The following ACYP2 variants were observed in gnomAD, a reference collection of about 807,000 sequenced individuals.
ACYP2 encodes acylphosphatase 2.
ACYP2 carries 12 observed loss-of-function variants against 11.2 expected under a neutral mutation model. The observed-to-expected ratio is 1.08, with a 90% CI of 0.69 to 1.74. ACYP2 has a LOEUF of 1.74. Ranked by LOEUF, ACYP2 falls within the 40% of genes most tolerant of loss-of-function variation. The pLI is 0.00. For synonymous variants in ACYP2, 43 were observed against 32.2 expected (o/e 1.33, Z -1.13); for missense variants, 134 against 101.9 (o/e 1.31, Z -1.35).
chr2:54,157,762 T>C (rs932136901), intron 6 of ACYP2, among the ~76,000 whole-genome samples: 3 of 152,214 alleles, frequency 2.0e-5, no homozygotes, highest in Non-Finnish European at 4.4e-5. Context: ...GTGGTGGTTT[T>C]CCAATTCTAG....
chr2:54,236,971 A>G (rs1686508672), intron 6 of ACYP2, among the ~76,000 whole-genome samples: 1 of 152,168 alleles, frequency 6.6e-6, no homozygotes, highest in Admixed American at 6.5e-5. Context: ...GATCAAAAAT[A>G]TTTGGGAAAA....
At chr2:53,991,676 G>GT (rs1672303411) in intron 2 of ACYP2, among the ~76,000 whole-genome samples, 1 of 152,020 alleles carries the variant, frequency 6.6e-6, no homozygotes, top group Non-Finnish European at 1.5e-5. Context: ...AAGTGTTGGG[G>GT]TTACAGGTGT....
At chr2:54,174,679 A>G (rs1193385784) in intron 6 of ACYP2, among the ~76,000 whole-genome samples, 1 of 152,094 alleles carries the variant, frequency 6.6e-6, no homozygotes, top group East Asian at 1.9e-4. Flanking sequence ...AATAGCTCTT[A>G]TTATTTTGAG....
intron 2 of ACYP2, among the ~76,000 whole-genome samples, chr2:54,040,186 G>T (rs2104562310): frequency 6.6e-6 from 1 of 152,248 alleles, no homozygotes; most frequent in African/African-American, 2.4e-5. Flanking sequence ...AGACAGATCT[G>T]CTGATAGGTC....
chr2:54,038,165 C>G (rs570186962), intron 2 of ACYP2, among the ~76,000 whole-genome samples: 2 of 152,164 alleles, frequency 1.3e-5, no homozygotes, highest in South Asian at 4.2e-4. Context: ...TTATTCTAAC[C>G]TCTGAGCGTC....
chr2:54,233,387 C>G (rs1686330759), intron 6 of ACYP2, among the ~76,000 whole-genome samples: 1 of 151,344 alleles, frequency 6.6e-6, no homozygotes, highest in African/African-American at 2.4e-5. Context: ...CCTCTACTTC[C>G]CTGGGCTCAT....
At chr2:54,116,996 C>G (rs1304548776) in intron 4 of ACYP2, among the ~76,000 whole-genome samples, 1 of 152,004 alleles carries the variant, frequency 6.6e-6, no homozygotes, top group Non-Finnish European at 1.5e-5. Context: ...GAGCAGGTGA[C>G]CAGAGGAATA....
intron 6 of ACYP2, among the ~76,000 whole-genome samples, chr2:54,185,271 C>T (rs1191442983): frequency 6.6e-6 from 1 of 152,190 alleles, no homozygotes; most frequent in African/African-American, 2.4e-5. Context: ...TTTTACTCTT[C>T]TGCCAGATGT....
intron 6 of ACYP2, among the ~76,000 whole-genome samples, chr2:54,172,366 T>C (rs1015292909): frequency 1.3e-5 from 2 of 152,234 alleles, no homozygotes; most frequent in Admixed American, 1.3e-4. Flanking sequence ...CATATGATCA[T>C]GTGCTTTGTT....
chr2:54,111,969 T>C (rs181698754), intron 4 of ACYP2, among the ~76,000 whole-genome samples: 62 of 152,316 alleles, frequency 4.1e-4, no homozygotes, highest in African/African-American at 1.4e-3. Context: ...CAGAGTACTA[T>C]CTATCCTTAT....
intron 6 of ACYP2, among the ~76,000 whole-genome samples, chr2:54,178,465 G>A (rs1225787356): frequency 1.3e-5 from 2 of 152,170 alleles, no homozygotes; most frequent in African/African-American, 4.8e-5. Context: ...GCTATACTCT[G>A]TAGCTGCCAC....
chr2:54,120,145 C>T (rs944905345), intron 4 of ACYP2, among the ~76,000 whole-genome samples: 2 of 152,208 alleles, frequency 1.3e-5, no homozygotes, highest in Non-Finnish European at 2.9e-5. Flanking sequence ...TCTGGTTTCT[C>T]CACTCTAAAG....
At chr2:54,270,701 T>C (rs942336428) in intron 6 of ACYP2, among the ~76,000 whole-genome samples, 1 of 152,240 alleles carries the variant, frequency 6.6e-6, no homozygotes, top group East Asian at 1.9e-4. Context: ...TAGTATATGT[T>C]GAATTTATTT....
At chr2:54,208,303 T>G (rs1685167509) in intron 6 of ACYP2, among the ~76,000 whole-genome samples, 1 of 152,204 alleles carries the variant, frequency 6.6e-6, no homozygotes. Flanking sequence ...GATCCTGATG[T>G]GAATAACATA....
intron 6 of ACYP2, among the ~76,000 whole-genome samples, chr2:54,231,488 A>G (rs1686235442): frequency 6.6e-6 from 1 of 152,204 alleles, no homozygotes; most frequent in Non-Finnish European, 1.5e-5. Flanking sequence ...GCAGCCTGAG[A>G]TGAAGAATGA....
intron 6 of ACYP2, among the ~76,000 whole-genome samples, chr2:54,191,081 G>A (rs1485263110): frequency 6.6e-6 from 1 of 151,898 alleles, no homozygotes; most frequent in Admixed American, 6.6e-5. Flanking sequence ...TCCTCAGCCT[G>A]AGTCATCATC....
intron 2 of ACYP2, among the ~76,000 whole-genome samples, chr2:54,033,430 C>G (rs998841804): frequency 1.3e-5 from 2 of 151,448 alleles, no homozygotes; most frequent in Admixed American, 1.3e-4. Context: ...CCAGGCTGGT[C>G]TCGAACTCTT....
At chr2:53,972,948 C>T (rs191158663) in intron 1 of ACYP2, among the ~76,000 whole-genome samples, 10 of 151,410 alleles carry the variant, frequency 6.6e-5, no homozygotes, top group South Asian at 4.2e-4. Flanking sequence ...TGTAGATGGA[C>T]GACAGGAGGG....
At chr2:54,190,551 T>A (rs1020641851) in intron 6 of ACYP2, among the ~76,000 whole-genome samples, 10 of 151,996 alleles carry the variant, frequency 6.6e-5, no homozygotes, top group Admixed American at 4.6e-4. Flanking sequence ...ACCTCTCTCT[T>A]CTCCTTGGCT....
Sources: gnomAD v4.1 joint callset for allele counts (sites outside exome capture counted in the v4.1 genomes callset) on GRCh38, gnomAD v4.1.1 for gene constraint, MANE v1.5 for transcripts, NCBI Gene and HGNC (gene_info 2026-07-23, HGNC 2026-07-21) for gene names.